OPRM1: variants seen among roughly 807,000 people sequenced by gnomAD.
OPRM1 encodes mu-type opioid receptor.
OPRM1 carries 27 observed loss-of-function variants against 31.8 expected under a neutral mutation model. The ratio of observed to expected loss-of-function variants is 0.85; its 90% CI spans 0.63 to 1.17. The LOEUF (loss-of-function observed/expected upper bound fraction) is 1.17, where lower values mean the gene tolerates loss of function less well. Ranked by LOEUF, OPRM1 falls within the 50% of genes most tolerant of loss-of-function variation. The probability of loss-of-function intolerance (pLI) is 0.00; values close to 1 mark genes in which losing one functional copy is unlikely to be tolerated. For synonymous variants in OPRM1, 196 were observed against 189.9 expected, an observed-to-expected ratio of 1.03 and a Z score of -0.26; for missense variants, 536 against 511.1, an observed-to-expected ratio of 1.05 and a Z score of -0.47.
rs11301836 is a variant in OPRM1 at position 154,131,942 on chromosome 6, G to GTTTTTTTTT, written c.*13228_*13236dup. ...CTGGGAGTTTTTCTATAAGTTTTTGGTTTTTTTTTTTTTTTCTCTTCATTA... is the reference window on the plus strand; with the variant it reads ...CTGGGAGTTTTTCTATAAGTTTTTGGTTTTTTTTTTTTTTTTTTTTTTTTCTCTTCATTA... On this transcript the variant is annotated 3_prime_UTR_variant, in exon 4 of 4. Coordinates refer to ENST00000330432, the MANE Select transcript of OPRM1 (RefSeq NM_000914.5). Among the ~76,000 whole-genome samples the GTTTTTTTTT allele has an allele frequency of 7.3e-6, 1 of 137,336 alleles. No individual in the cohort carries two copies. The highest frequency in any genetic ancestry group is 2.7e-5 in the African/African-American group (1 of 37,656). 90.1% of individuals were successfully genotyped at this position (137,336 alleles called of 152,430 possible).
intron 3 of OPRM1, among the ~76,000 whole-genome samples, chr6:154,138,305 G>A (rs1798110196): frequency 6.6e-6 from 1 of 151,740 alleles, no homozygotes; most frequent in Non-Finnish European, 1.5e-5. Flanking sequence ...TAATATTTTA[G>A]AATACCTTCA....
rs1206184943 is a variant in OPRM1, at chr6:154,128,181, G to A, written c.*9460G>A. ...AATCATATAACTTCTGAATGGGCTG[G>A]GGGAAAATAACAATAAGAAAAACTG... is the stretch of plus-strand genomic sequence containing the variant. On this transcript the variant is annotated 3_prime_UTR_variant, in exon 4 of 4. Coordinates refer to ENST00000330432, the MANE Select transcript of OPRM1 (RefSeq NM_000914.5). 1.3e-5 allele frequency among the ~76,000 whole-genome samples: 2 copies of A among 152,228 alleles called. No individual in the cohort carries two copies. The highest frequency in any genetic ancestry group is 4.8e-5 in the African/African-American group (2 of 41,540).
At chr6:154,170,987 C>G (rs1294616622) in intron 3 of OPRM1, among the ~76,000 whole-genome samples, 2 of 152,322 alleles carry the variant, frequency 1.3e-5, no homozygotes, top group East Asian at 3.9e-4. Flanking sequence ...TCTCCTGCCT[C>G]AGCCTCTCAA....
At chr6:154,220,870 G>A (rs1483600663) in intron 3 of OPRM1, among the ~76,000 whole-genome samples, 2 of 152,192 alleles carry the variant, frequency 1.3e-5, no homozygotes, top group South Asian at 2.1e-4. Context: ...GAATCATCAC[G>A]ATAATCACAC....
At chr6:154,150,550 G>A (rs1021735164) in intron 3 of OPRM1, among the ~76,000 whole-genome samples, 1 of 152,208 alleles carries the variant, frequency 6.6e-6, no homozygotes, top group African/African-American at 2.4e-5. Context: ...CTGCCTCATG[G>A]GAACCCTCTG....
At chr6:154,171,668 T>C (rs1799881625) in intron 3 of OPRM1, among the ~76,000 whole-genome samples, 1 of 152,208 alleles carries the variant, frequency 6.6e-6, no homozygotes. Flanking sequence ...ATTTATGAGA[T>C]TGTCATGAGA....
intron 1 of OPRM1, among the ~76,000 whole-genome samples, chr6:154,053,473 C>T (rs772613183): frequency 6.6e-5 from 10 of 152,152 alleles, no homozygotes; most frequent in Non-Finnish European, 1.2e-4. Flanking sequence ...AAAATGTTTT[C>T]TGCAGCTCTC....
intron 1 of OPRM1, among the ~76,000 whole-genome samples, chr6:154,084,151 C>A (rs971148748): frequency 1.3e-5 from 2 of 152,060 alleles, no homozygotes; most frequent in Non-Finnish European, 2.9e-5. Flanking sequence ...TCTGCTATCA[C>A]CACTCTTTTC....
At chr6:154,190,068 C>T (rs1801734918) in intron 3 of OPRM1, among the ~76,000 whole-genome samples, 1 of 152,078 alleles carries the variant, frequency 6.6e-6, no homozygotes, top group African/African-American at 2.4e-5. Context: ...TATCATCAAA[C>T]TGAATATTCT....
chr6:154,191,412 G>A (rs749344688), intron 3 of OPRM1, among the ~76,000 whole-genome samples: 1 of 152,022 alleles, frequency 6.6e-6, no homozygotes, highest in Non-Finnish European at 1.5e-5. Flanking sequence ...GGTGGCTCAC[G>A]TCTGTAATCC....
chr6:154,070,737 A>G (rs1436743723), intron 1 of OPRM1, among the ~76,000 whole-genome samples: 1 of 152,206 alleles, frequency 6.6e-6, no homozygotes, highest in Non-Finnish European at 1.5e-5. Flanking sequence ...TCTTACTACT[A>G]GAATATGCTG....
In OPRM1 at chr6:154,168,614, A is replaced by T. The variant is rs1485670851; in HGVS notation, c.1164+77142A>T. On this transcript the variant is annotated intron_variant, in intron 3 of 3. Coordinates refer to the OPRM1 transcript ENST00000337049. The surrounding 1 kb of genome is among the most constrained non-coding windows in gnomAD (Gnocchi z 4.1). ...TAATTAATTAATTAATTTTATTATT[A>T]TTTTTTTTGAGACGGAGTTTTACTG... Among the ~76,000 whole-genome samples the T allele has an allele frequency of 4.0e-5, 6 of 150,928 alleles. No individual in the cohort carries two copies. The highest frequency in any genetic ancestry group is 2.1e-4 in the South Asian group (1 of 4,786).
At chr6:154,244,398 AC>A (rs1410755257) in intron 3 of OPRM1, among the ~76,000 whole-genome samples, 1 of 151,846 alleles carries the variant, frequency 6.6e-6, no homozygotes, top group Admixed American at 6.6e-5. Flanking sequence ...TAGTTTGCAT[AC>A]CATTAGTTTA....
intron 1 of OPRM1, among the ~76,000 whole-genome samples, chr6:154,072,509 T>A (rs1447347061): frequency 6.6e-6 from 1 of 152,218 alleles, no homozygotes. Flanking sequence ...GTGAATGCAA[T>A]CTTTCATTTT....
At chr6:154,062,445 C>T (rs1358376290) in intron 1 of OPRM1, among the ~76,000 whole-genome samples, 1 of 151,962 alleles carries the variant, frequency 6.6e-6, no homozygotes, top group Non-Finnish European at 1.5e-5. Flanking sequence ...GCTTTAAAAA[C>T]TAATGGGACT....
At chr6:154,020,806 A>T (rs150256740) in intron 1 of OPRM1, among the ~76,000 whole-genome samples, 3 of 152,166 alleles carry the variant, frequency 2.0e-5, no homozygotes, top group Non-Finnish European at 2.9e-5. Flanking sequence ...ATTTTTTCAT[A>T]TGCTTATTTG....
In OPRM1 at chr6:154,123,662, G is replaced by A. The variant is rs1221139824; in HGVS notation, c.*4941G>A. 6.6e-6 allele frequency among the ~76,000 whole-genome samples: 1 copy of A among 152,212 alleles called. No homozygotes were observed. The highest frequency in any genetic ancestry group is 1.5e-5 in the Non-Finnish European group (1 of 68,042). The stretch of plus-strand genomic sequence containing the variant: ...GGGTGGATTATTCATGGGTTTTCTG[G>A]GAAAGGAGTGGGCAATTCCCAGAAC... On this transcript the variant is annotated 3_prime_UTR_variant, in exon 4 of 4. Coordinates refer to ENST00000330432, the MANE Select transcript of OPRM1 (RefSeq NM_000914.5).
At chr6:154,212,681 T>C in intron 3 of OPRM1, 1 of 838,902 alleles carries the variant, frequency 1.2e-6, no homozygotes, top group Non-Finnish European at 1.9e-6. Flanking sequence ...TCTAAAAATT[T>C]ATTGGTCAAG....
At chr6:154,039,926 G>A in intron 1 of OPRM1, 92 bp downstream of exon 1, 1 of 1,159,406 alleles carries the variant, frequency 8.6e-7, no homozygotes, top group Middle Eastern at 2.5e-4. Flanking sequence ...TGTTGGGCGG[G>A]AGGATGAAAG....
Sources: allele counts gnomAD v4.1 joint callset (sites outside exome capture counted in the v4.1 genomes callset), GRCh38; gene constraint gnomAD v4.1.1; non-coding constraint Gnocchi (gnomAD v3.1); transcripts MANE v1.5; gene names NCBI Gene and HGNC (gene_info 2026-07-23, HGNC 2026-07-21).